Variants in TMEM131L observed in about 807,000 individuals in gnomAD.
TMEM131L encodes the protein transmembrane protein 131-like.
In TMEM131L, 54 loss-of-function variants were observed where a neutral mutation model predicts 192.2. The ratio of observed to expected loss-of-function variants is 0.28; its 90% CI spans 0.23 to 0.35. TMEM131L has a LOEUF of 0.35. Ranked by LOEUF, TMEM131L falls within the 10% of genes least tolerant of loss-of-function variation. The pLI is 1.00. For synonymous variants in TMEM131L, 701 were observed against 704.9 expected, an observed-to-expected ratio of 0.99 and a Z score of 0.09; for missense variants, 1,888 against 1,972.9, an observed-to-expected ratio of 0.96 and a Z score of 0.82.
chr4:153,522,510 C>A (rs890220621), intron 3 of TMEM131L, among the ~76,000 whole-genome samples: 1 of 152,084 alleles, frequency 6.6e-6, no homozygotes, highest in African/African-American at 2.4e-5. Context: ...TGTGGCTCTT[C>A]CAGGAAGCGT....
chr4:153,575,155 T>C (rs1729849955), intron 7 of TMEM131L, among the ~76,000 whole-genome samples: 1 of 152,266 alleles, frequency 6.6e-6, no homozygotes, highest in East Asian at 1.9e-4. Flanking sequence ...GACATCAGAA[T>C]GACTTAATAC....
intron 3 of TMEM131L, among the ~76,000 whole-genome samples, chr4:153,499,902 A>G (rs1038957250): frequency 1.3e-5 from 2 of 152,276 alleles, no homozygotes; most frequent in African/African-American, 4.8e-5. Flanking sequence ...TCCCAGTCTC[A>G]CAGACTTGAG....
intron 3 of TMEM131L, among the ~76,000 whole-genome samples, chr4:153,510,879 C>G (rs1187048906): frequency 6.6e-6 from 1 of 150,964 alleles, no homozygotes; most frequent in East Asian, 1.9e-4. Context: ...GTAGTGAGAC[C>G]CTGTCTCAAA....
chr4:153,587,116 TTAAA>T (rs1730753300), intron 14 of TMEM131L, among the ~76,000 whole-genome samples: 1 of 152,174 alleles, frequency 6.6e-6, no homozygotes, highest in South Asian at 2.1e-4. Flanking sequence ...AATTCTAAAA[TTAAA>T]CAATGTAAGG....
At chr4:153,588,041 GT>G (rs60174380) in intron 15 of TMEM131L, among the ~76,000 whole-genome samples, 25,986 of 121,990 alleles carry the variant, frequency 0.21, 3,918 homozygotes, top group African/African-American at 0.47. Flanking sequence ...TTCCGCAAGG[GT>G]TTTTTTTTTT....
chr4:153,564,314 A>AAAAG (rs1561196159), intron 7 of TMEM131L, among the ~76,000 whole-genome samples: 22 of 149,120 alleles, frequency 1.5e-4, no homozygotes, highest in African/African-American at 5.5e-4. Context: ...AAAAAAAAAA[A>AAAAG]GGCCCAAGGG....
intron 3 of TMEM131L, among the ~76,000 whole-genome samples, chr4:153,498,973 G>C (rs1464992046): frequency 6.6e-6 from 1 of 152,208 alleles, no homozygotes; most frequent in African/African-American, 2.4e-5. Flanking sequence ...TGTAAGCCTG[G>C]AACTGTGGGA....
chr4:153,629,642 T>A (rs1734080312), intron 31 of TMEM131L, among the ~76,000 whole-genome samples: 1 of 152,206 alleles, frequency 6.6e-6, no homozygotes, highest in Non-Finnish European at 1.5e-5. Flanking sequence ...GTAATCTGGC[T>A]TTTGCCACCA....
intron 2 of TMEM131L, among the ~76,000 whole-genome samples, chr4:153,471,660 C>T (rs1731170472): frequency 1.3e-5 from 2 of 152,194 alleles, no homozygotes; most frequent in South Asian, 4.1e-4. Flanking sequence ...CCTGATGCCC[C>T]TTGGTTAGCA....
chr4:153,513,656 C>T (rs1734511701), intron 3 of TMEM131L, among the ~76,000 whole-genome samples: 1 of 152,172 alleles, frequency 6.6e-6, no homozygotes, highest in Non-Finnish European at 1.5e-5. Flanking sequence ...CTCCCATTTC[C>T]CATCTGGTCT....
chr4:153,575,899 G>A (rs368736451), intron 7 of TMEM131L, among the ~76,000 whole-genome samples: 1 of 152,012 alleles, frequency 6.6e-6, no homozygotes, highest in South Asian at 2.1e-4. Flanking sequence ...GTATGTGGTT[G>A]CCCCCTGGCT....
intron 28 of TMEM131L, among the ~76,000 whole-genome samples, chr4:153,622,292 T>C (rs1733481944): frequency 6.6e-6 from 1 of 152,038 alleles, no homozygotes; most frequent in African/African-American, 2.4e-5. Context: ...GAGTCCAGGG[T>C]CTGGTACCGG....
intron 3 of TMEM131L, among the ~76,000 whole-genome samples, chr4:153,491,811 A>T (rs1381202934): frequency 1.3e-5 from 2 of 152,110 alleles, no homozygotes; most frequent in Admixed American, 6.5e-5. Context: ...GGCTCAAGCC[A>T]TCCTTCCACC....
At chr4:153,596,683 G>T (rs1731464364) in intron 20 of TMEM131L, among the ~76,000 whole-genome samples, 1 of 152,216 alleles carries the variant, frequency 6.6e-6, no homozygotes, top group African/African-American at 2.4e-5. Context: ...CACTCATGCA[G>T]ATCTACTCCT....
chr4:153,532,984 CTTT>C (rs70963190), intron 3 of TMEM131L, among the ~76,000 whole-genome samples: 10 of 129,650 alleles, frequency 7.7e-5, no homozygotes, highest in Non-Finnish European at 8.3e-5. Context: ...TTTCTCAATT[CTTT>C]TTTTTTTTTT....
At chr4:153,543,185 T>G (rs1261966210) in intron 3 of TMEM131L, among the ~76,000 whole-genome samples, 1 of 152,174 alleles carries the variant, frequency 6.6e-6, no homozygotes, top group Non-Finnish European at 1.5e-5. Context: ...CTTTTTCTTA[T>G]TGGTAGGATT....
intron 7 of TMEM131L, among the ~76,000 whole-genome samples, chr4:153,578,793 T>G (rs1339094562): frequency 6.6e-6 from 1 of 151,890 alleles, no homozygotes; most frequent in African/African-American, 2.4e-5. Flanking sequence ...GTGCTGAGAT[T>G]ACAGGCGTGA....
intron 3 of TMEM131L, among the ~76,000 whole-genome samples, chr4:153,531,642 G>A (rs947940745): frequency 2.0e-5 from 3 of 152,032 alleles, no homozygotes; most frequent in Non-Finnish European, 2.9e-5. Context: ...AGTATAATAC[G>A]CTATTTTATT....
chr4:153,564,788 C>T (rs1397963385), intron 7 of TMEM131L, among the ~76,000 whole-genome samples: 2 of 152,180 alleles, frequency 1.3e-5, no homozygotes, highest in Non-Finnish European at 2.9e-5. Flanking sequence ...TTTGTTAATT[C>T]CCTGGCCACT....
Sources: allele counts gnomAD v4.1 joint callset (sites outside exome capture counted in the v4.1 genomes callset), GRCh38; gene constraint gnomAD v4.1.1; transcripts MANE v1.5; gene names NCBI Gene and HGNC (gene_info 2026-07-23, HGNC 2026-07-21).